ARID4B: variants seen among roughly 807,000 people sequenced by gnomAD.
ARID4B encodes the protein AT-rich interactive domain-containing protein 4B.
In ARID4B, 26 loss-of-function variants were observed where a neutral mutation model predicts 147.5. The observed-to-expected ratio is 0.18, with a 90% CI of 0.13 to 0.24. The LOEUF (loss-of-function observed/expected upper bound fraction) is 0.24. ARID4B is among the 10% of genes least tolerant of loss of function. The pLI is 1.00. For missense variants in ARID4B, 1,179 were observed against 1,511.5 expected, an observed-to-expected ratio of 0.78 and a Z score of 3.65; for synonymous variants, 512 against 507.9, an observed-to-expected ratio of 1.01 and a Z score of -0.11.
chr1:235,228,983 T>C (rs1668030322), intron 11 of ARID4B: 2 of 407,690 alleles, frequency 4.9e-6, no homozygotes, highest in South Asian at 3.2e-5. Flanking sequence ...AAAAAAAGCA[T>C]AGGAAGACTA....
chr1:235,228,044 C>A (rs1232919262), intron 11 of ARID4B, among the ~76,000 whole-genome samples: 2 of 151,826 alleles, frequency 1.3e-5, no homozygotes, highest in African/African-American at 2.4e-5. Flanking sequence ...CCATGTTAGC[C>A]AAGCTGGCCT....
intron 2 of ARID4B, among the ~76,000 whole-genome samples, chr1:235,323,305 T>C (rs1674979888): frequency 6.6e-6 from 1 of 151,736 alleles, no homozygotes; most frequent in African/African-American, 2.4e-5. Flanking sequence ...CCTCCCAAAG[T>C]ACTGGGATTA....
intron 18 of ARID4B, among the ~76,000 whole-genome samples, chr1:235,195,087 G>A (rs973197411): frequency 1.3e-5 from 2 of 152,008 alleles, no homozygotes; most frequent in Non-Finnish European, 2.9e-5. Flanking sequence ...GCTCTCTGAA[G>A]CATGAGTTAG....
chr1:235,246,016 A>G (rs1216814549), intron 7 of ARID4B, among the ~76,000 whole-genome samples: 2 of 152,188 alleles, frequency 1.3e-5, no homozygotes, highest in East Asian at 3.8e-4. Flanking sequence ...GGGGAGACAC[A>G]AAATGGTTCA....
intron 2 of ARID4B, among the ~76,000 whole-genome samples, chr1:235,268,098 G>A (rs56250206): frequency 0.18 from 27,554 of 151,962 alleles, 3,657 homozygotes; most frequent in African/African-American, 0.37. Flanking sequence ...ACATGGAGGT[G>A]CAGTCCTGTG....
chr1:235,269,400 C>T lies in ARID4B; in HGVS notation c.7-8648G>A, dbSNP rs569546868. 3.3e-5 allele frequency among the ~76,000 whole-genome samples: 5 copies of T among 152,184 alleles called. No homozygotes were observed. The South Asian group carries it at 6.2e-4, about 19-fold the overall frequency. On this transcript the variant is annotated intron_variant, in intron 2 of 23. Coordinates refer to ENST00000264183, the MANE Select transcript of ARID4B (RefSeq NM_016374.6). ...TATTTTTAGTGGTGTAATTGTGCAA[C>T]GTTTTGCACTGTAATATCAAAAGAG... is the stretch of plus-strand genomic sequence containing the variant.
chr1:235,177,883 G>A lies in ARID4B; in HGVS notation c.3365C>T (p.Ala1122Val), dbSNP rs1343484787. ...TTTTGATGAACTTCCTCCTCCCTGA[G>A]CATCTTTCACTCTTTTCTGACCTGT... ...ACTGQKRVKD[A>V]QGGGSSSKKQ... Residue 1122 changes from alanine (A) to valine (V), a missense_variant, in exon 21 of 24, where the codon GCT becomes GTT. Physicochemically the swap from Ala to Val is moderately conservative, Grantham distance 64 (BLOSUM62 0). Around this residue, in one of 10 missense-constraint regions of ARID4B, gnomAD observed 357 missense variants for 427.3 expected, o/e 0.84. Transcript: ENST00000264183. 6.2e-7 allele frequency: 1 copy of A among 1,610,516 alleles called. No individual in the cohort carries two copies. Among genetic ancestry groups the A allele is most frequent in the Non-Finnish European group, 8.5e-7 (1 of 1,178,286 alleles).
chr1:235,277,518 G>A (rs1276540618), intron 2 of ARID4B, among the ~76,000 whole-genome samples: 2 of 144,420 alleles, frequency 1.4e-5, no homozygotes, highest in African/African-American at 5.1e-5. Context: ...CAGCCTGGGC[G>A]ACAGCGAGAC....
intron 17 of ARID4B, among the ~76,000 whole-genome samples, chr1:235,197,855 CT>C (rs1665608772): frequency 1.3e-5 from 2 of 152,180 alleles, no homozygotes; most frequent in African/African-American, 4.8e-5. Context: ...CTACCTGGCA[CT>C]GTAGCATCTA....
At chr1:235,238,927 T>C (rs1275729209) in intron 8 of ARID4B, among the ~76,000 whole-genome samples, 1 of 151,508 alleles carries the variant, frequency 6.6e-6, no homozygotes, top group African/African-American at 2.4e-5. Context: ...AAAATCATCA[T>C]AGGACAATTC....
Position 235,175,258 on chromosome 1 carries a change from T to C in ARID4B, c.3590A>G (p.Asn1197Ser), listed in dbSNP as rs1474398227. 2 of 1,614,220 alleles carry C rather than the reference T, an allele frequency of 1.2e-6. No individual in the cohort carries two copies. The highest frequency in any genetic ancestry group is 1.1e-5 in the South Asian group (1 of 91,082). Reference protein sequence around the residue: ...RTQSPGKCGKNGDKDPDLKEP... With the variant: ...RTQSPGKCGKSGDKDPDLKEP... ...CTTGAGATCAGGATCCTTATCACCA[T>C]TCTTTCCACATTTTCCTGGAGACTG... is the stretch of plus-strand genomic sequence containing the variant. The change falls in exon 22 of 24, where the codon AAT becomes AGT. Residue 1197 changes from asparagine (N) to serine (S), a missense_variant. Physicochemically the swap from Asn to Ser is conservative, Grantham distance 46 (BLOSUM62 1). Around this residue, in one of 10 missense-constraint regions of ARID4B, gnomAD observed 357 missense variants for 427.3 expected, o/e 0.84. Transcript: ENST00000264183.
intron 17 of ARID4B, among the ~76,000 whole-genome samples, chr1:235,199,055 C>T (rs985358131): frequency 9.9e-5 from 15 of 152,026 alleles, no homozygotes; most frequent in Admixed American, 5.2e-4. Context: ...GCCGAGATCG[C>T]GCCATTGCAC....
At chr1:235,325,259 T>C (rs1675140483) in intron 2 of ARID4B, among the ~76,000 whole-genome samples, 1 of 152,072 alleles carries the variant, frequency 6.6e-6, no homozygotes, top group Non-Finnish European at 1.5e-5. Flanking sequence ...CACTTAAAAT[T>C]AGTATTTCTA....
At chr1:235,231,590 G>T (rs776678975) in intron 9 of ARID4B, among the ~76,000 whole-genome samples, 1 of 152,090 alleles carries the variant, frequency 6.6e-6, no homozygotes, top group Non-Finnish European at 1.5e-5. Context: ...AGGCTCAAGC[G>T]ATTCTTCTGC....
At chr1:235,209,556 G>GTTTTTTTTTTTTTTTTT (rs547505296) in intron 17 of ARID4B, among the ~76,000 whole-genome samples, 1 of 147,036 alleles carries the variant, frequency 6.8e-6, no homozygotes, top group Non-Finnish European at 1.5e-5. Flanking sequence ...TGATTTTTTT[G>GTTTTTTTTTTTTTTTTT]TTTTTTGTTT....
At chr1:235,245,130 T>C (rs181396401) in intron 7 of ARID4B, among the ~76,000 whole-genome samples, 12 of 152,322 alleles carry the variant, frequency 7.9e-5, no homozygotes, top group African/African-American at 9.6e-5. Context: ...TTTACACATG[T>C]ATAACACAAT....
At chr1:235,309,844 C>T (rs919156231) in intron 2 of ARID4B, among the ~76,000 whole-genome samples, 14 of 152,286 alleles carry the variant, frequency 9.2e-5, no homozygotes, top group Non-Finnish European at 1.6e-4. Flanking sequence ...AATTCTTCGG[C>T]CTTGGGATCC....
intron 2 of ARID4B, among the ~76,000 whole-genome samples, chr1:235,298,818 A>C (rs560954083): frequency 5.3e-5 from 8 of 152,292 alleles, no homozygotes; most frequent in Non-Finnish European, 7.3e-5. Flanking sequence ...TTATAACTCA[A>C]GGGGCACAGA....
intron 17 of ARID4B, among the ~76,000 whole-genome samples, chr1:235,199,054 G>A (rs535199380): frequency 1.3e-5 from 2 of 152,200 alleles, no homozygotes; most frequent in Non-Finnish European, 2.9e-5. Context: ...AGCCGAGATC[G>A]CGCCATTGCA....
Sources: gnomAD v4.1 joint callset for allele counts (sites outside exome capture counted in the v4.1 genomes callset) on GRCh38, gnomAD v4.1.1 for gene constraint, gnomAD v4.1.1 regional missense constraint, MANE v1.5 for transcripts, NCBI Gene and HGNC (gene_info 2026-07-23, HGNC 2026-07-21) for gene names.